Variants in GRK1 observed in about 807,000 individuals in gnomAD.
GRK1 encodes rhodopsin kinase GRK1.
In GRK1, 28 loss-of-function variants were observed where a neutral mutation model predicts 41.7. The ratio of observed to expected loss-of-function variants is 0.67; its 90% confidence interval spans 0.50 to 0.92. GRK1 has a LOEUF of 0.92. Ranked by LOEUF, GRK1 falls within the 40% of genes least tolerant of loss-of-function variation. GRK1 has a pLI of 0.00. For missense variants in GRK1, 703 were observed against 671.2 expected, an observed-to-expected ratio of 1.05 and a Z score of -0.52; for synonymous variants, 327 against 286.7, an observed-to-expected ratio of 1.14 and a Z score of -1.42.
the GRK1 span, chr13:113,658,145 C>T: frequency 5.6e-6 from 9 of 1,611,044 alleles, no homozygotes; most frequent in East Asian, 2.2e-5. Context: ...GAGCCGCCAT[C>T]GTCCCTGGCC....
At chr13:113,669,934 A>T (rs572416786) in intron 2 of GRK1, 120 bp downstream of exon 2, 4 of 1,194,012 alleles carry the variant, frequency 3.4e-6, no homozygotes, top group Admixed American at 5.0e-5. Context: ...CCTCGAGGGA[A>T]GCCTTGCACC....
rs775596167 is a variant in GRK1, at chr13:113,667,990, G to C, written c.604G>C (p.Gly202Arg). The change falls in exon 1 of 7, where the codon GGG becomes CGG. Residue 202 changes from glycine (G) to arginine (R), a missense_variant. Physicochemically the swap from Gly to Arg is moderately radical, Grantham distance 125. Coordinates refer to ENST00000335678, the MANE Select transcript of GRK1 (RefSeq NM_002929.3). The surrounding 1 kb of genome is among the most constrained non-coding windows in gnomAD (Gnocchi z 7.5). ...DFRVLGKGGF[G>R]EVSACQMKAT... ...CAGGGTCCTAGGGAAAGGGGGCTTC[G>C]GGGAGGTGTCGGCCTGCCAGATGAA... The C allele has an allele frequency of 1.2e-6, 2 of 1,611,330 alleles. No homozygotes were observed. Among genetic ancestry groups the C allele is most frequent in the East Asian group, 4.5e-5 (2 of 44,794 alleles).
At chr13:113,733,510 C>CGTGTGTGT (rs1014078359) in intron 6 of GRK1, among the ~76,000 whole-genome samples, 2 of 124,232 alleles carry the variant, frequency 1.6e-5, no homozygotes, top group African/African-American at 4.2e-5. Context: ...TGTGTGTGCA[C>CGTGTGTGT]GTGTGTGTGC....
At chr13:113,668,130 A>T in intron 1 of GRK1, 45 bp downstream of exon 1, 1 of 1,557,268 alleles carries the variant, frequency 6.4e-7, no homozygotes, top group Non-Finnish European at 8.7e-7. Context: ...GGCAGGGTGC[A>T]GGGATGGGGC....
At chr13:113,732,439 C>G (rs577451216) in intron 5 of GRK1, among the ~76,000 whole-genome samples, 2 of 152,302 alleles carry the variant, frequency 1.3e-5, no homozygotes, top group Admixed American at 6.5e-5. Flanking sequence ...GCCTTGGGGA[C>G]TGAGCAGCAC....
chr13:113,667,043 G>A (rs528385300), upstream of GRK1: 339 of 194,908 alleles, frequency 1.7e-3, 1 homozygote, highest in African/African-American at 7.7e-3. This position sits in a 1 kb window ranked among gnomAD's most constrained non-coding sequence, Gnocchi z 7.5. Flanking sequence ...CTTCTCAGGG[G>A]AAAAGTGAGG....
At chr13:113,651,179 A>G in the GRK1 span, among the ~76,000 whole-genome samples, 2 of 152,224 alleles carry the variant, frequency 1.3e-5, no homozygotes, top group Non-Finnish European at 2.9e-5. Flanking sequence ...AGCAAATCTT[A>G]GAAGACATTT....
intron 2 of GRK1, among the ~76,000 whole-genome samples, chr13:113,670,923 C>T (rs1211699213): frequency 6.6e-6 from 1 of 151,730 alleles, no homozygotes; most frequent in Non-Finnish European, 1.5e-5. Flanking sequence ...TGGCTCTGGC[C>T]GCCTTGTGGT....
At chr13:113,668,542 G>C (rs1299182475) in intron 1 of GRK1, among the ~76,000 whole-genome samples, 1 of 152,266 alleles carries the variant, frequency 6.6e-6, no homozygotes, top group African/African-American at 2.4e-5. Flanking sequence ...GTTTCTGTGA[G>C]GCAGAGCCTG....
chr13:113,659,792 G>A, the GRK1 span, among the ~76,000 whole-genome samples: 6 of 152,014 alleles, frequency 3.9e-5, no homozygotes, highest in African/African-American at 1.2e-4. Context: ...ACTTTGGAAT[G>A]TTAGGGCGAT....
chr13:113,733,117 T>TG, intron 6 of GRK1, 32 bp downstream of exon 6: 1 of 1,521,266 alleles, frequency 6.6e-7, no homozygotes. Context: ...CCGGAGAGGG[T>TG]GGGGTTCTGT....
the GRK1 span, chr13:113,653,544 C>G: frequency 3.0e-5 from 25 of 847,018 alleles, no homozygotes; most frequent in South Asian, 3.7e-4. Context: ...ACCCAGGAGC[C>G]TCCTCGGAGT....
At position 113,671,652 on chromosome 13, in the gene GRK1, T is replaced by G; in HGVS notation, c.981T>G (p.Asn327Lys). 2.6e-6 allele frequency: 2 copies of G among 759,468 alleles called. No individual in the cohort carries two copies. Among genetic ancestry groups the G allele is most frequent in the Non-Finnish European group, 4.8e-6 (2 of 414,370 alleles). The allele number at this position is 759,468 out of a possible 1,614,324, so 47.0% of individuals were successfully genotyped here. The part of the protein sequence containing the change: ...DLKPENVLLD[N>K]DGNVRISDLG... ...AGCCCGAGAACGTGCTGCTGGACAA[T>G]GACGGTAGGAGGTGCCCTCGGCTGG... is the stretch of plus-strand genomic sequence containing the variant. The change falls in exon 3 of 7, where the codon AAT (asparagine) becomes AAG (lysine). Residue 327 changes from asparagine to lysine, a missense_variant. Transcript: ENST00000335678. This position sits in a 1 kb window ranked among gnomAD's most constrained non-coding sequence, Gnocchi z 4.1.
Position 113,731,386 on chromosome 13 carries a change from C to T in GRK1, c.1194+43C>T. The T allele has an allele frequency of 1.3e-6, 2 of 1,535,666 alleles. No individual in the cohort carries two copies. ...GGTGTCTCTGCAGCCACCTTGGCGCCCTGGCTCTCGATGGGGACGGGGCAG... is the reference window on the plus strand; with the variant it reads ...GGTGTCTCTGCAGCCACCTTGGCGCTCTGGCTCTCGATGGGGACGGGGCAG... On this transcript the variant is annotated intron_variant, in intron 5 of 6. Transcript: ENST00000335678. The surrounding 1 kb of genome is among the most constrained non-coding windows in gnomAD (Gnocchi z 5.6).
chr13:113,653,450 T>A, the GRK1 span: 1 of 1,604,822 alleles, frequency 6.2e-7, no homozygotes, highest in Non-Finnish European at 8.5e-7. Flanking sequence ...GAGAGAGACC[T>A]TTGTGCTTAG....
chr13:113,662,452 C>T (rs1455454015), upstream of GRK1, among the ~76,000 whole-genome samples: 1 of 151,932 alleles, frequency 6.6e-6, no homozygotes, highest in Non-Finnish European at 1.5e-5. Context: ...CTAGCTAGAG[C>T]AATGAACAAG....
chr13:113,733,491 G>A (rs1196315968), intron 6 of GRK1, among the ~76,000 whole-genome samples: 4 of 150,086 alleles, frequency 2.7e-5, no homozygotes, highest in Non-Finnish European at 5.9e-5. Flanking sequence ...ATGTGCGCGC[G>A]TGTGTGTATG....
intron 6 of GRK1, among the ~76,000 whole-genome samples, chr13:113,733,883 G>GTGTGTGCA (rs1291966404): frequency 3.0e-5 from 3 of 99,004 alleles, no homozygotes. Context: ...GTGTGCATAC[G>GTGTGTGCA]TGTGTGCGTG....
the GRK1 span, among the ~76,000 whole-genome samples, chr13:113,659,425 G>A: frequency 6.6e-6 from 1 of 152,160 alleles, no homozygotes; most frequent in African/African-American, 2.4e-5. Flanking sequence ...AGGGACCCGT[G>A]TAACCAAATT....
Sources: gnomAD v4.1 joint callset for allele counts (sites outside exome capture counted in the v4.1 genomes callset) on GRCh38, gnomAD v4.1.1 for gene constraint, Gnocchi (gnomAD v3.1) non-coding constraint, MANE v1.5 for transcripts, NCBI Gene and HGNC (gene_info 2026-07-23, HGNC 2026-07-21) for gene names.